PPARGC1A: variants seen among roughly 807,000 people sequenced by gnomAD.
PPARGC1A encodes peroxisome proliferator-activated receptor gamma coactivator 1-alpha.
PPARGC1A carries 25 observed loss-of-function variants against 88.7 expected under a neutral mutation model. The observed-to-expected ratio is 0.28, with a 90% confidence interval of 0.21 to 0.39. PPARGC1A has a LOEUF of 0.39. Among genes scored for constraint, PPARGC1A ranks in the 10% least tolerant of loss-of-function variants. PPARGC1A has a pLI of 1.00. For synonymous variants in PPARGC1A, 363 were observed against 355.6 expected (o/e 1.02, Z -0.24); for missense variants, 880 against 968.7 (o/e 0.91, Z 1.22).
chr4:24,261,241 G>T, the PPARGC1A span, among the ~76,000 whole-genome samples: 112 of 152,234 alleles, frequency 7.4e-4, no homozygotes, highest in Non-Finnish European at 1.4e-3. Flanking sequence ...GCCAATGCCA[G>T]GCAAATCTAT....
the PPARGC1A span, among the ~76,000 whole-genome samples, chr4:24,444,586 C>G: frequency 4.6e-5 from 7 of 152,172 alleles, no homozygotes; most frequent in African/African-American, 1.7e-4. Context: ...GAGAACAGTA[C>G]AGGGTCATGC....
Position 23,792,534 on chromosome 4 carries a change from C to T in PPARGC1A, c.*3288G>A, listed in dbSNP as rs1716815100. ...GCTGCTTTGAATGTTGACAGCCCAACTGTTGTTCTCGGAGTCGTTTAGCAA... is the reference window on the plus strand; with the variant it reads ...GCTGCTTTGAATGTTGACAGCCCAATTGTTGTTCTCGGAGTCGTTTAGCAA... On this transcript the variant is annotated 3_prime_UTR_variant, in exon 13 of 13. Coordinates refer to ENST00000264867, the MANE Select transcript of PPARGC1A (RefSeq NM_013261.5). The T allele has an allele frequency of 6.6e-6, 1 of 152,142 alleles. No homozygotes were observed. The highest frequency in any genetic ancestry group is 2.1e-4 in the South Asian group (1 of 4,816). The allele number at this position is 152,142 out of a possible 1,614,324, so 9.4% of individuals were successfully genotyped here.
the PPARGC1A span, among the ~76,000 whole-genome samples, chr4:24,367,039 C>T: frequency 1.3e-5 from 2 of 152,206 alleles, no homozygotes; most frequent in Non-Finnish European, 1.5e-5. Flanking sequence ...CTGGTGTGTA[C>T]GTTCAAAATA....
At chr4:24,293,597 C>G in the PPARGC1A span, among the ~76,000 whole-genome samples, 1 of 109,924 alleles carries the variant, frequency 9.1e-6, no homozygotes, top group East Asian at 2.5e-4. Flanking sequence ...CCCCTCACCC[C>G]CACCCCTTCC....
At chr4:24,435,278 G>A in the PPARGC1A span, among the ~76,000 whole-genome samples, 1 of 152,194 alleles carries the variant, frequency 6.6e-6, no homozygotes, top group Non-Finnish European at 1.5e-5. Context: ...GGCCCAGCAA[G>A]AAGTCTGATA....
chr4:24,359,052 T>C, the PPARGC1A span, among the ~76,000 whole-genome samples: 3 of 152,232 alleles, frequency 2.0e-5, no homozygotes, highest in Non-Finnish European at 2.9e-5. Context: ...ACTGTTGCTG[T>C]ACCTTTATTT....
chr4:24,408,956 T>G, the PPARGC1A span, among the ~76,000 whole-genome samples: 1 of 152,188 alleles, frequency 6.6e-6, no homozygotes, highest in African/African-American at 2.4e-5. Context: ...TCTTAAAGAT[T>G]TATAGAAGAA....
the PPARGC1A span, among the ~76,000 whole-genome samples, chr4:24,258,049 G>T: frequency 2.6e-5 from 4 of 152,182 alleles, no homozygotes; most frequent in East Asian, 7.7e-4. Flanking sequence ...AAACATTAGA[G>T]TTCAGAAACA....
At chr4:23,850,066 G>A (rs1324907409) in intron 2 of PPARGC1A, among the ~76,000 whole-genome samples, 5 of 152,010 alleles carry the variant, frequency 3.3e-5, no homozygotes, top group African/African-American at 7.2e-5. Context: ...TTTTATTTTC[G>A]CTTTTTGATG....
chr4:24,313,797 A>G, the PPARGC1A span, among the ~76,000 whole-genome samples: 11 of 152,346 alleles, frequency 7.2e-5, no homozygotes, highest in African/African-American at 2.4e-4. Flanking sequence ...TGCTAGGTAC[A>G]TATGCTAAAG....
chr4:24,110,811 C>CT, the PPARGC1A span, among the ~76,000 whole-genome samples: 4 of 152,126 alleles, frequency 2.6e-5, no homozygotes, highest in African/African-American at 9.7e-5. Context: ...TACGTTGTAT[C>CT]TATCTTCATT....
At chr4:24,221,456 GTCTT>G in the PPARGC1A span, among the ~76,000 whole-genome samples, 9 of 152,288 alleles carry the variant, frequency 5.9e-5, no homozygotes, top group South Asian at 1.9e-3. Flanking sequence ...TTTTATCAAT[GTCTT>G]TCTGACTCCA....
chr4:24,412,077 T>C, the PPARGC1A span, among the ~76,000 whole-genome samples: 2 of 152,326 alleles, frequency 1.3e-5, no homozygotes, highest in South Asian at 4.1e-4. Flanking sequence ...TTTAGTTTGG[T>C]AGGAAACTGC....
the PPARGC1A span, among the ~76,000 whole-genome samples, chr4:24,282,489 A>T: frequency 6.0e-4 from 92 of 152,390 alleles, no homozygotes; most frequent in African/African-American, 2.1e-3. Flanking sequence ...AAAATGGGTC[A>T]GGCAGCTCTC....
At chr4:24,246,868 A>C in the PPARGC1A span, among the ~76,000 whole-genome samples, 4 of 152,272 alleles carry the variant, frequency 2.6e-5, no homozygotes, top group African/African-American at 4.8e-5. Context: ...TGTGAGCCAC[A>C]GAATCCAGCC....
At chr4:24,062,812 A>T in the PPARGC1A span, among the ~76,000 whole-genome samples, 1 of 152,246 alleles carries the variant, frequency 6.6e-6, no homozygotes, top group Non-Finnish European at 1.5e-5. Flanking sequence ...ACATACCTTC[A>T]AAATGAAGGC....
the PPARGC1A span, among the ~76,000 whole-genome samples, chr4:24,314,138 T>A: frequency 6.6e-6 from 1 of 152,210 alleles, no homozygotes; most frequent in Non-Finnish European, 1.5e-5. Flanking sequence ...TAGTGAGATA[T>A]ACAATAAATG....
intron 2 of PPARGC1A, among the ~76,000 whole-genome samples, chr4:23,863,787 C>T (rs1731669069): frequency 6.6e-6 from 1 of 152,194 alleles, no homozygotes; most frequent in South Asian, 2.1e-4. Flanking sequence ...AGCTCTGTCA[C>T]CCAGGCTGGA....
At chr4:23,932,318 C>G in the PPARGC1A span, among the ~76,000 whole-genome samples, 1 of 152,206 alleles carries the variant, frequency 6.6e-6, no homozygotes, top group Non-Finnish European at 1.5e-5. Flanking sequence ...TGGCTGGGAA[C>G]TATCTAGTCC....
Sources: allele counts gnomAD v4.1 joint callset (sites outside exome capture counted in the v4.1 genomes callset), GRCh38; gene constraint gnomAD v4.1.1; transcripts MANE v1.5; gene names NCBI Gene and HGNC (gene_info 2026-07-23, HGNC 2026-07-21).